The following VSTM1 variants were observed in gnomAD, a reference collection of about 807,000 sequenced individuals.
VSTM1 encodes V-set and transmembrane domain-containing protein 1.
In VSTM1, 27 loss-of-function variants were observed where a neutral mutation model predicts 33.1. That is an observed-to-expected ratio of 0.82 (90% CI 0.60 to 1.12). The LOEUF is 1.12. VSTM1 is among the 50% of genes most tolerant of loss of function. The pLI, the probability that VSTM1 is intolerant of heterozygous loss-of-function variation, is 0.00. For synonymous variants in VSTM1, 115 were observed against 110.3 expected (o/e 1.04, Z -0.27); for missense variants, 304 against 288.9 (o/e 1.05, Z -0.38).
chr19:54,044,220 T>G (rs1395113965), intron 4 of VSTM1, among the ~76,000 whole-genome samples: 1 of 152,070 alleles, frequency 6.6e-6, no homozygotes, highest in East Asian at 1.9e-4. Context: ...CTGGGAGAAT[T>G]CAGGGAGGAT....
chr19:54,047,907 C>T (rs1037577793), intron 4 of VSTM1, among the ~76,000 whole-genome samples: 4 of 152,254 alleles, frequency 2.6e-5, no homozygotes, highest in African/African-American at 4.8e-5. Context: ...TAACTTGCTA[C>T]GCTACTAAAG....
At chr19:54,059,652 G>T (rs994173422) in intron 1 of VSTM1, among the ~76,000 whole-genome samples, 1 of 148,050 alleles carries the variant, frequency 6.8e-6, no homozygotes, top group Non-Finnish European at 1.5e-5. Context: ...TGTTGTTGTT[G>T]TTGTAGAGAT....
intron 3 of VSTM1, among the ~76,000 whole-genome samples, chr19:54,052,307 A>G (rs1291059739): frequency 6.9e-6 from 1 of 144,452 alleles, no homozygotes; most frequent in East Asian, 2.0e-4. Flanking sequence ...CTGAGGCAGG[A>G]GAATGGCGTG....
chr19:54,051,510 G>A (rs2070840740), intron 3 of VSTM1, 62 bp from the exon 4 acceptor site: 28 of 1,314,950 alleles, frequency 2.1e-5, no homozygotes, highest in Non-Finnish European at 2.9e-5. Flanking sequence ...GGGGACAGGA[G>A]TCCTCACGTC....
In VSTM1 at chr19:54,063,848, GGCCGCA is replaced by G; in HGVS notation, c.-77_-72del. ...TTCAAAGGCGGAGCGGGACTGGGCC[GGCCGCA>G]GCTCTCCGGCTGCCCGGTTCGTCCC... On this transcript the variant is annotated 5_prime_UTR_variant, in exon 1 of 9. Transcript: ENST00000338372. 1 of 1,559,520 alleles carries G rather than the reference GGCCGCA, an allele frequency of 6.4e-7. No individual in the cohort carries two copies. Among genetic ancestry groups the G allele is most frequent in the South Asian group, 1.2e-5 (1 of 86,556 alleles).
Position 54,061,754 on chromosome 19 carries a change from C to A in VSTM1, c.34+1990G>T, listed in dbSNP as rs141957443. 5.9e-3 allele frequency among the ~76,000 whole-genome samples: 892 copies of A among 151,984 alleles called. 7 individuals carry two copies. The highest frequency in any genetic ancestry group is 0.02 in the African/African-American group (836 of 41,452). ...GCTTGAGCTCAGGAGGTTGAGGCTGCAGTGAGCTATGGTGGTACCACTGCA... is the reference window on the plus strand; with the variant it reads ...GCTTGAGCTCAGGAGGTTGAGGCTGAAGTGAGCTATGGTGGTACCACTGCA... On this transcript the variant is annotated intron_variant, in intron 1 of 8. Coordinates refer to ENST00000338372, the MANE Select transcript of VSTM1 (RefSeq NM_198481.4).
At chr19:54,062,191 A>G (rs2071425753) in intron 1 of VSTM1, among the ~76,000 whole-genome samples, 1 of 151,962 alleles carries the variant, frequency 6.6e-6, no homozygotes, top group Admixed American at 6.6e-5. Context: ...GTCAGCCATC[A>G]CTAGAAGAGG....
At chr19:54,063,314 G>A (rs2071486251) in intron 1 of VSTM1, among the ~76,000 whole-genome samples, 1 of 152,024 alleles carries the variant, frequency 6.6e-6, no homozygotes, top group African/African-American at 2.4e-5. Flanking sequence ...CTCCAGCCTG[G>A]GCTACAGAGT....
At position 54,049,981 on chromosome 19, in the gene VSTM1, T is replaced by C. The variant is rs574099223; in HGVS notation, c.394+1429A>G. On this transcript the variant is annotated intron_variant, in intron 4 of 8. Coordinates refer to ENST00000338372, the MANE Select transcript of VSTM1 (RefSeq NM_198481.4). ...TTCAGCCGAATGCTGCCAAAAGCTCTAACTTTTTAATTTTTTTTTTTTTTT... is the reference window on the plus strand; with the variant it reads ...TTCAGCCGAATGCTGCCAAAAGCTCCAACTTTTTAATTTTTTTTTTTTTTT... Among the ~76,000 whole-genome samples, 11 of 148,102 alleles carry C rather than the reference T, an allele frequency of 7.4e-5. No individual in the cohort carries two copies. The East Asian group carries it at 2.1e-3, about 29-fold the overall frequency.
chr19:54,041,979 G>A (rs1346186637), intron 6 of VSTM1, 26 bp from the exon 7 acceptor site: 1 of 1,613,998 alleles, frequency 6.2e-7, no homozygotes, highest in African/African-American at 1.3e-5. Context: ...ACACGTGAAA[G>A]GATGGGATGT....
chr19:54,043,663 C>T (rs983105518), intron 4 of VSTM1, among the ~76,000 whole-genome samples: 3 of 152,186 alleles, frequency 2.0e-5, no homozygotes, highest in African/African-American at 7.2e-5. Flanking sequence ...CTGCCTGCCT[C>T]GGCCTCCCAA....
intron 3 of VSTM1, among the ~76,000 whole-genome samples, chr19:54,057,165 T>A (rs1456999317): frequency 7.2e-6 from 1 of 138,186 alleles, no homozygotes; most frequent in Admixed American, 7.5e-5. Context: ...CTGGCCTGCA[T>A]CTATCTTTTT....
intron 3 of VSTM1, among the ~76,000 whole-genome samples, chr19:54,052,116 T>C (rs956762479): frequency 1.3e-5 from 2 of 150,662 alleles, no homozygotes; most frequent in African/African-American, 4.9e-5. Context: ...ATCACCTACT[T>C]GGCCGGGCGC....
chr19:54,052,353 G>GTGTT (rs2070893114), intron 3 of VSTM1, among the ~76,000 whole-genome samples: 2,209 of 112,058 alleles, frequency 0.02, no homozygotes, highest in Middle Eastern at 0.022. Flanking sequence ...AGCCGAGATC[G>GTGTT]CGCCACTGCA....
Position 54,063,873 on chromosome 19 carries a change from T to A in VSTM1, c.-96A>T. On this transcript the variant is annotated 5_prime_UTR_variant, in exon 1 of 9. Coordinates refer to ENST00000338372, the MANE Select transcript of VSTM1 (RefSeq NM_198481.4). The stretch of plus-strand genomic sequence containing the variant: ...GGCCGCAGCTCTCCGGCTGCCCGGT[T>A]CGTCCCCAGGATGTGCAGATAGAGG... 1 of 1,407,166 alleles carries A rather than the reference T, an allele frequency of 7.1e-7. No individual in the cohort carries two copies. Among genetic ancestry groups the A allele is most frequent in the Non-Finnish European group, 9.8e-7 (1 of 1,025,412 alleles). 87.2% of individuals were successfully genotyped at this position (1,407,166 alleles called of 1,614,324 possible).
chr19:54,047,614 T>C (rs1244927041), intron 4 of VSTM1, among the ~76,000 whole-genome samples: 1 of 152,048 alleles, frequency 6.6e-6, no homozygotes, highest in Non-Finnish European at 1.5e-5. Flanking sequence ...TATCAGTGCA[T>C]CTCCAAGGAC....
At chr19:54,057,658 A>C (rs1302615749) in intron 3 of VSTM1, among the ~76,000 whole-genome samples, 3 of 151,606 alleles carry the variant, frequency 2.0e-5, no homozygotes, top group Non-Finnish European at 4.4e-5. Flanking sequence ...AAAATACAAA[A>C]ATTAGCCAGG....
chr19:54,059,723 C>T (rs1365704046), intron 1 of VSTM1, among the ~76,000 whole-genome samples: 1 of 152,112 alleles, frequency 6.6e-6, no homozygotes, highest in African/African-American at 2.4e-5. Flanking sequence ...ATCCACCCGC[C>T]TCAGCCTCCC....
chr19:54,045,243 G>A (rs1177324503), intron 4 of VSTM1, among the ~76,000 whole-genome samples: 1 of 151,958 alleles, frequency 6.6e-6, no homozygotes, highest in African/African-American at 2.4e-5. Flanking sequence ...ATCTGTCTAG[G>A]TATCTATTAT....
Sources: gnomAD v4.1 joint callset for allele counts (sites outside exome capture counted in the v4.1 genomes callset) on GRCh38, gnomAD v4.1.1 for gene constraint, MANE v1.5 for transcripts, NCBI Gene and HGNC (gene_info 2026-07-23, HGNC 2026-07-21) for gene names.